RCOR3: variants seen among roughly 807,000 people sequenced by gnomAD.
RCOR3 encodes the protein REST corepressor 3.
In RCOR3, 13 loss-of-function variants were observed where a neutral mutation model predicts 64.1. The observed-to-expected ratio is 0.20, with a 90% CI of 0.13 to 0.32. The LOEUF is 0.32. Ranked by LOEUF, RCOR3 falls within the 10% of genes least tolerant of loss-of-function variation. The pLI, the probability that RCOR3 is intolerant of heterozygous loss-of-function variation, is 1.00. For synonymous variants in RCOR3, 215 were observed against 239.0 expected, an observed-to-expected ratio of 0.90 and a Z score of 0.93; for missense variants, 489 against 701.2, an observed-to-expected ratio of 0.70 and a Z score of 3.42.
intron 3 of RCOR3, 68 bp downstream of exon 3, chr1:211,271,377 G>A (rs778585116): frequency 8.7e-6 from 11 of 1,271,088 alleles, no homozygotes; most frequent in Non-Finnish European, 1.1e-5. Flanking sequence ...TATGACTTAC[G>A]TTTGTTTTTG....
intron 8 of RCOR3, chr1:211,291,677 C>G: frequency 2.4e-6 from 1 of 418,262 alleles, no homozygotes; most frequent in South Asian, 1.7e-5. Context: ...ATTCCTTGGT[C>G]CTGGTTATTC....
chr1:211,306,654 T>C (rs965946283), intron 10 of RCOR3, among the ~76,000 whole-genome samples: 2 of 152,180 alleles, frequency 1.3e-5, no homozygotes, highest in African/African-American at 4.8e-5. Flanking sequence ...ACCAAACATA[T>C]TGAGATCATT....
chr1:211,289,509 T>G, intron 8 of RCOR3, 113 bp downstream of exon 8: 1 of 797,930 alleles, frequency 1.3e-6, no homozygotes, highest in Non-Finnish European at 2.0e-6. Context: ...CATCCACTTA[T>G]GCAGGTTTCA....
chr1:211,313,884 G>T lies in RCOR3; in HGVS notation c.*116G>T. On this transcript the variant is annotated 3_prime_UTR_variant, in exon 12 of 12. Coordinates refer to ENST00000419091, the MANE Select transcript of RCOR3 (RefSeq NM_001136223.3). The surrounding 1 kb of genome is among the most constrained non-coding windows in gnomAD (Gnocchi z 4.7). ...TTCTAGATACTGAGGCTGCGAACTA[G>T]TTCTGTGGCAGTGGACTAGCATAAG... The T allele has an allele frequency of 1.0e-6, 1 of 981,354 alleles. No homozygotes were observed. Among genetic ancestry groups the T allele is most frequent in the Non-Finnish European group, 1.5e-6 (1 of 676,204 alleles). The allele number at this position is 981,354 out of a possible 1,614,324, so 60.8% of individuals were successfully genotyped here. A position where few individuals can be genotyped will look rare whatever the true frequency, so the allele number is the denominator to read the frequency against.
intron 8 of RCOR3, among the ~76,000 whole-genome samples, chr1:211,289,837 A>G (rs1258700399): frequency 1.3e-5 from 2 of 152,194 alleles, no homozygotes; most frequent in Non-Finnish European, 2.9e-5. Flanking sequence ...CAGCATCATC[A>G]TAATCAGATA....
intron 8 of RCOR3, among the ~76,000 whole-genome samples, chr1:211,289,808 A>G (rs1290536738): frequency 6.6e-6 from 1 of 152,166 alleles, no homozygotes. Flanking sequence ...CAGTAGTAGT[A>G]CTAGTAGTAT....
At position 211,313,047 on chromosome 1, in the gene RCOR3, G is replaced by A. The variant is rs1701654628; in HGVS notation, c.1317+86G>A. On this transcript the variant is annotated intron_variant, in intron 11 of 11. Coordinates refer to ENST00000419091, the MANE Select transcript of RCOR3 (RefSeq NM_001136223.3). This position sits in a 1 kb window ranked among gnomAD's most constrained non-coding sequence, Gnocchi z 4.7. ...TTCTGTAAGGTTAATTTGTCAAGAG[G>A]ACTAGCTAAATTGAGCATGAAAGGT... The A allele has an allele frequency of 1.9e-6, 3 of 1,595,876 alleles. No homozygotes were observed. The highest frequency in any genetic ancestry group is 1.7e-4 in the Middle Eastern group (1 of 5,888).
intron 2 of RCOR3, among the ~76,000 whole-genome samples, chr1:211,270,046 C>G (rs149238574): frequency 6.9e-6 from 1 of 144,596 alleles, no homozygotes. Context: ...GAAGAAGTTG[C>G]GTTAACTTTT....
intron 2 of RCOR3, chr1:211,267,726 G>A (rs2102447208): frequency 3.7e-6 from 1 of 270,520 alleles, no homozygotes; most frequent in African/African-American, 2.3e-5. Context: ...TGAGTAGTTG[G>A]GACTACAGGT....
At chr1:211,276,154 G>A in intron 4 of RCOR3, 103 bp from the exon 5 acceptor site, 7 of 1,094,998 alleles carry the variant, frequency 6.4e-6, no homozygotes, top group East Asian at 2.5e-5. Flanking sequence ...ATCTTCAGTC[G>A]AAGTCATAGG....
intron 2 of RCOR3, among the ~76,000 whole-genome samples, chr1:211,270,643 T>G (rs1221252089): frequency 6.6e-6 from 1 of 152,180 alleles, no homozygotes; most frequent in Non-Finnish European, 1.5e-5. Flanking sequence ...TAAATCAGAT[T>G]TATTACCTTC....
chr1:211,298,041 C>A (rs1700015802), intron 9 of RCOR3, among the ~76,000 whole-genome samples: 1 of 152,170 alleles, frequency 6.6e-6, no homozygotes, highest in Non-Finnish European at 1.5e-5. Flanking sequence ...CCATTCACTT[C>A]CACAAGTATT....
chr1:211,304,588 T>G (rs754946960), intron 10 of RCOR3, among the ~76,000 whole-genome samples: 3 of 152,360 alleles, frequency 2.0e-5, no homozygotes, highest in African/African-American at 2.4e-5. Flanking sequence ...TGTTTAACTT[T>G]CAGTGTTTCA....
chr1:211,313,599 G>A lies in RCOR3; in HGVS notation c.1493G>A (p.Arg498Gln), dbSNP rs377653698. The change falls in exon 12 of 12, where the codon CGG (arginine) becomes CAG (glutamine). Residue 498 changes from arginine to glutamine, a missense_variant. Transcript: ENST00000419091. This position sits in a 1 kb window ranked among gnomAD's most constrained non-coding sequence, Gnocchi z 4.7. ...CCTCCTCCACTCCAGCAGCAGGCTC[G>A]GTTCATCCAGCCCCGGCCAACTTTA... ...RQPPPLQQQA[R>Q]FIQPRPTLNQ... The A allele has an allele frequency of 3.7e-6, 6 of 1,613,926 alleles. No homozygotes were observed. Among genetic ancestry groups the A allele is most frequent in the South Asian group, 2.2e-5 (2 of 91,086 alleles).
intron 8 of RCOR3, among the ~76,000 whole-genome samples, chr1:211,290,699 T>G (rs1699147103): frequency 6.6e-6 from 1 of 152,158 alleles, no homozygotes; most frequent in Non-Finnish European, 1.5e-5. Flanking sequence ...TTCTATTACT[T>G]CTCTTTAGCT....
chr1:211,264,766 A>G (rs1409330583), intron 2 of RCOR3, among the ~76,000 whole-genome samples: 1 of 152,212 alleles, frequency 6.6e-6, no homozygotes, highest in African/African-American at 2.4e-5. Context: ...TGAAGTTAAG[A>G]GATTAGGAAC....
intron 9 of RCOR3, among the ~76,000 whole-genome samples, chr1:211,298,778 G>A (rs192709765): frequency 0.028 from 4,285 of 151,870 alleles, 78 homozygotes; most frequent in South Asian, 0.074. Flanking sequence ...AGGCCGAGGC[G>A]GGCGGATCAC....
At chr1:211,283,014 TTTA>T (rs1454123203) in intron 7 of RCOR3, among the ~76,000 whole-genome samples, 10 of 152,250 alleles carry the variant, frequency 6.6e-5, no homozygotes, top group African/African-American at 2.4e-4. Context: ...GCGATTCATT[TTTA>T]TTGCTATATT....
chr1:211,313,910 T>A lies in RCOR3; in HGVS notation c.*142T>A. 1.3e-6 allele frequency: 1 copy of A among 797,126 alleles called. No homozygotes were observed. The highest frequency in any genetic ancestry group is 1.9e-6 in the Non-Finnish European group (1 of 517,700). 49.4% of individuals were successfully genotyped at this position (797,126 alleles called of 1,614,324 possible). On this transcript the variant is annotated 3_prime_UTR_variant, in exon 12 of 12. Transcript: ENST00000419091. The surrounding 1 kb of genome is among the most constrained non-coding windows in gnomAD (Gnocchi z 4.7). ...TTCTGTGGCAGTGGACTAGCATAAG[T>A]GGATGTCTAAGAAATTTTTCAGTTC...
Sources: allele counts gnomAD v4.1 joint callset (sites outside exome capture counted in the v4.1 genomes callset), GRCh38; gene constraint gnomAD v4.1.1; non-coding constraint Gnocchi (gnomAD v3.1); transcripts MANE v1.5; gene names NCBI Gene and HGNC (gene_info 2026-07-23, HGNC 2026-07-21).